The following DLG5 variants were observed in gnomAD, a reference collection of about 807,000 sequenced individuals.
DLG5 encodes the protein discs large MAGUK scaffold protein 5.
In DLG5, 48 loss-of-function variants were observed where a neutral mutation model predicts 189.8. That is an observed-to-expected ratio of 0.25 (90% confidence interval 0.20 to 0.32). DLG5 has a LOEUF of 0.32. DLG5 is among the 10% of genes least tolerant of loss of function. DLG5 has a pLI of 1.00. For synonymous variants in DLG5, 1,016 were observed against 1,054.1 expected (o/e 0.96, Z 0.70); for missense variants, 2,160 against 2,544.7 (o/e 0.85, Z 3.25).
At chr10:77,939,708 G>A in the DLG5 span, among the ~76,000 whole-genome samples, 3 of 152,278 alleles carry the variant, frequency 2.0e-5, no homozygotes, top group African/African-American at 7.2e-5. Context: ...GCTGCCAGAT[G>A]GAACACTGGC....
chr10:77,888,613 A>G (rs1314029708), intron 1 of DLG5, among the ~76,000 whole-genome samples: 1 of 152,260 alleles, frequency 6.6e-6, no homozygotes, highest in East Asian at 1.9e-4. Context: ...AAGTCCATTC[A>G]CTGGAGCCTC....
In DLG5 at chr10:77,926,465, G is replaced by T. The variant is rs759171495; in HGVS notation, c.56C>A (p.Ala19Asp). 1.3e-6 allele frequency: 2 copies of T among 1,530,706 alleles called. No individual in the cohort carries two copies. The highest frequency in any genetic ancestry group is 2.5e-5 in the South Asian group (2 of 81,092). 94.8% of individuals were successfully genotyped at this position (1,530,706 alleles called of 1,614,324 possible). Residue 19 changes from alanine to aspartate, a missense_variant, in exon 1 of 32, where the codon GCC becomes GAC. By Grantham distance (126) the Ala-to-Asp change is moderately radical. This residue lies in a region of DLG5 where 664 missense variants were observed against 838.5 expected (regional missense o/e 0.79). Coordinates refer to ENST00000372391, the MANE Select transcript of DLG5 (RefSeq NM_004747.4). This position sits in a 1 kb window ranked among gnomAD's most constrained non-coding sequence, Gnocchi z 5.2. Reference protein sequence around the residue: ...LAQCQQSLAQAMTEVEAVLGL... With the variant: ...LAQCQQSLAQDMTEVEAVLGL... ...GAGCACGGCTTCCACCTCCGTCATG[G>T]CCTGGGCCAGGCTCTGCTGACACTG...
chr10:77,824,354 C>T (rs370248644), intron 14 of DLG5, 30 bp downstream of exon 14: 31 of 1,537,364 alleles, frequency 2.0e-5, no homozygotes, highest in African/African-American at 1.2e-4. Context: ...TACTCCTGAC[C>T]GTGAGAGCAG....
rs1258364418 is a variant in DLG5, at chr10:77,926,577, G to A, written c.-57C>T. The stretch of plus-strand genomic sequence containing the variant: ...ACGCCTCCCGGGCCCCCCGAGGCCG[G>A]CGGGCGGGCAGGCGAGCACCTCGGC... On this transcript the variant is annotated 5_prime_UTR_variant, in exon 1 of 32. Coordinates refer to ENST00000372391, the MANE Select transcript of DLG5 (RefSeq NM_004747.4). This position sits in a 1 kb window ranked among gnomAD's most constrained non-coding sequence, Gnocchi z 5.2. 1.7e-6 allele frequency: 2 copies of A among 1,189,398 alleles called. No homozygotes were observed. The highest frequency in any genetic ancestry group is 2.1e-6 in the Non-Finnish European group (2 of 960,722). The allele number at this position is 1,189,398 out of a possible 1,614,324, so 73.7% of individuals were successfully genotyped here.
intron 1 of DLG5, among the ~76,000 whole-genome samples, chr10:77,876,707 A>AGGGAGGGAGGGAGGGAAGG: frequency 1.4e-5 from 1 of 69,952 alleles, no homozygotes; most frequent in Admixed American, 2.1e-4. Flanking sequence ...GGAAGGAAGG[A>AGGGAGGGAGGGAGGGAAGG]AGGGAGGGAG....
At chr10:77,924,056 G>T (rs1846614657) in intron 1 of DLG5, among the ~76,000 whole-genome samples, 1 of 151,948 alleles carries the variant, frequency 6.6e-6, no homozygotes, top group Non-Finnish European at 1.5e-5. Context: ...TTAGAGACGG[G>T]GTTTCACCAT....
intron 1 of DLG5, among the ~76,000 whole-genome samples, chr10:77,891,573 G>GACACAC (rs55688664): frequency 0.038 from 5,289 of 140,514 alleles, 122 homozygotes; most frequent in Middle Eastern, 0.071. Context: ...TCCCCCAACA[G>GACACAC]ACACACACAC....
At chr10:77,883,655 G>A (rs1386888095) in intron 1 of DLG5, among the ~76,000 whole-genome samples, 1 of 151,492 alleles carries the variant, frequency 6.6e-6, no homozygotes, top group African/African-American at 2.4e-5. Context: ...CTGGATCTAT[G>A]GACCCCCTAA....
At chr10:77,830,501 G>C (rs1486056765) in intron 10 of DLG5, among the ~76,000 whole-genome samples, 157 bp from the exon 11 acceptor site, 2 of 152,196 alleles carry the variant, frequency 1.3e-5, no homozygotes, top group African/African-American at 2.4e-5. Flanking sequence ...ATGAGTATCT[G>C]CAACCTGCCC....
In DLG5 at chr10:77,811,216, G is replaced by A. The variant is rs200237878; in HGVS notation, c.4341C>T (p.Ala1447=). Residue 1447 remains alanine (A), a synonymous_variant, in exon 23 of 32, where the codon GCC becomes GCT. Coordinates refer to ENST00000372391, the MANE Select transcript of DLG5 (RefSeq NM_004747.4). ...HSRSSSHLDP[A]GTHSTLQGSG... Reference sequence around the variant, plus strand: ...TGCCCTGGAGAGTGGAGTGGGTACCGGCAGGGTCCAGGTGTGAGCTGGAGG... The same window carrying A: ...TGCCCTGGAGAGTGGAGTGGGTACCAGCAGGGTCCAGGTGTGAGCTGGAGG... 1.1e-3 allele frequency: 1,726 copies of A among 1,613,106 alleles called. 6 individuals carry two copies. The highest frequency in any genetic ancestry group is 4.9e-3 in the South Asian group (446 of 90,996).
chr10:77,811,140 G>T lies in DLG5; in HGVS notation c.4417C>A (p.Gln1473Lys), dbSNP rs1841748450. 1 of 1,612,810 alleles carries T rather than the reference G, an allele frequency of 6.2e-7. No homozygotes were observed. The highest frequency in any genetic ancestry group is 1.3e-5 in the African/African-American group (1 of 74,866). ...HPSVIDPLME[Q>K]DEGPSTPPAK... The stretch of plus-strand genomic sequence containing the variant: ...GGGGGGGTGCTAGGCCCCTCGTCCT[G>T]CTCCATCAGTGGGTCGATGACAGAT... The change falls in exon 23 of 32, where the codon CAG becomes AAG. Residue 1473 changes from glutamine to lysine, a missense_variant. Around this residue, in one of 5 missense-constraint regions of DLG5, gnomAD observed 574 missense variants for 644.2 expected, o/e 0.89. Coordinates refer to ENST00000372391, the MANE Select transcript of DLG5 (RefSeq NM_004747.4).
In DLG5 at chr10:77,792,456, G is replaced by A. The variant is rs748316545; in HGVS notation, c.5744C>T (p.Pro1915Leu). Residue 1915 changes from proline (P) to leucine (L), a missense_variant, in exon 32 of 32, where the codon CCA (proline) becomes CTA (leucine). Pro to Leu is a moderately conservative substitution (Grantham distance 98, BLOSUM62 -3). Transcript: ENST00000372391. ...NQEQNKVLWI[P>L]ACPL ...AGCATTCTCCTAGAGCGGGCAGGCT[G>A]GAATCCACAGGACTTTATTTTGTTC... 1 of 1,614,218 alleles carries A rather than the reference G, an allele frequency of 6.2e-7. No individual in the cohort carries two copies. Among genetic ancestry groups the A allele is most frequent in the Non-Finnish European group, 8.5e-7 (1 of 1,180,022 alleles).
chr10:77,855,266 G>C (rs1334753856), intron 3 of DLG5, among the ~76,000 whole-genome samples: 5 of 152,168 alleles, frequency 3.3e-5, no homozygotes, highest in African/African-American at 1.2e-4. Context: ...TATCACCTGG[G>C]AACTTGTCAC....
intron 27 of DLG5, among the ~76,000 whole-genome samples, chr10:77,800,787 C>A (rs1045774985): frequency 6.6e-6 from 1 of 152,236 alleles, no homozygotes; most frequent in Admixed American, 6.5e-5. Flanking sequence ...CACTAAGACA[C>A]TGAGCAGTGT....
the DLG5 span, among the ~76,000 whole-genome samples, chr10:77,940,233 G>A: frequency 6.6e-6 from 1 of 152,078 alleles, no homozygotes; most frequent in Non-Finnish European, 1.5e-5. Context: ...TCCAATCAGG[G>A]CACACCCAAA....
Position 77,809,650 on chromosome 10 carries a change from T to C in DLG5, c.4544A>G (p.His1515Arg), listed in dbSNP as rs758659147. The change falls in exon 24 of 32, where the codon CAC (histidine) becomes CGC (arginine). Residue 1515 changes from histidine to arginine, a missense_variant. This residue lies in a region of DLG5 where 574 missense variants were observed against 644.2 expected (regional missense o/e 0.89). Transcript: ENST00000372391. ...CCCATGCAGGTTCCCACCACACAAGTGCACCCCAAGCTCCAGCTGGGACTT... is the reference window on the plus strand; with the variant it reads ...CCCATGCAGGTTCCCACCACACAAGCGCACCCCAAGCTCCAGCTGGGACTT... Reference protein sequence around the residue: ...IKKSQLELGVHLCGGNLHGVF... With the variant: ...IKKSQLELGVRLCGGNLHGVF... 3.1e-6 allele frequency: 5 copies of C among 1,614,040 alleles called. No homozygotes were observed. Among genetic ancestry groups the C allele is most frequent in the Non-Finnish European group, 4.2e-6 (5 of 1,180,026 alleles).
chr10:77,807,014 G>A, intron 25 of DLG5, 86 bp from the exon 26 acceptor site: 1 of 1,473,098 alleles, frequency 6.8e-7, no homozygotes, highest in South Asian at 1.2e-5. Context: ...GGCCCCTAAG[G>A]CTGCCATTCT....
chr10:77,853,147 A>ATT (rs71030909), intron 5 of DLG5, among the ~76,000 whole-genome samples: 6 of 143,820 alleles, frequency 4.2e-5, no homozygotes, highest in Non-Finnish European at 6.1e-5. Flanking sequence ...TGTCCAGCTA[A>ATT]TTTTTTTTTT....
intron 1 of DLG5, among the ~76,000 whole-genome samples, chr10:77,888,079 G>A (rs1444551935): frequency 1.3e-5 from 2 of 152,162 alleles, no homozygotes; most frequent in African/African-American, 4.8e-5. Context: ...GCAAACATGC[G>A]TTTTCCTCGG....
Sources: allele counts gnomAD v4.1 joint callset (sites outside exome capture counted in the v4.1 genomes callset), GRCh38; gene constraint gnomAD v4.1.1; regional missense constraint gnomAD v4.1.1; non-coding constraint Gnocchi (gnomAD v3.1); transcripts MANE v1.5; gene names NCBI Gene and HGNC (gene_info 2026-07-23, HGNC 2026-07-21).